The following DIAPH2 variants were observed in gnomAD, a reference collection of about 807,000 sequenced individuals.
DIAPH2 encodes diaphanous related formin 2.
Under a neutral mutation model 92.7 loss-of-function variants are expected in DIAPH2, and 35 were observed. The observed-to-expected ratio is 0.38, with a 90% CI of 0.29 to 0.50. DIAPH2 has a LOEUF of 0.50. Among genes scored for constraint, DIAPH2 ranks in the 20% least tolerant of loss-of-function variants. DIAPH2 has a pLI of 0.94. For missense variants in DIAPH2, 701 were observed against 819.5 expected, an observed-to-expected ratio of 0.86 and a Z score of 1.77; for synonymous variants, 301 against 280.4, an observed-to-expected ratio of 1.07 and a Z score of -0.73.
At chrX:97,019,357 C>G (rs2066281917) in intron 17 of DIAPH2, among the ~76,000 whole-genome samples, 1 of 110,969 alleles carries the variant, frequency 9.0e-6, no homozygotes, top group Non-Finnish European at 1.9e-5. Flanking sequence ...TAGAATTGAA[C>G]TAATCACAAT....
intron 1 of DIAPH2, among the ~76,000 whole-genome samples, chrX:96,729,400 A>C (rs539170711): frequency 8.9e-6 from 1 of 112,168 alleles, no homozygotes. Context: ...CCAATTCATT[A>C]GTGTGAACAT....
intron 5 of DIAPH2, among the ~76,000 whole-genome samples, chrX:96,898,622 T>C (rs1008937920): frequency 9.2e-6 from 1 of 108,225 alleles, no homozygotes; most frequent in Non-Finnish European, 1.9e-5. Flanking sequence ...AGATTCTGGA[T>C]ATTAGCCCTT....
At chrX:97,015,935 T>A (rs1300177105) in intron 17 of DIAPH2, among the ~76,000 whole-genome samples, 1 of 111,657 alleles carries the variant, frequency 9.0e-6, no homozygotes, top group East Asian at 2.8e-4. Context: ...TGCTTTGGTT[T>A]TGAGCAAATT....
intron 22 of DIAPH2, among the ~76,000 whole-genome samples, chrX:97,146,452 A>T (rs750600351): frequency 6.3e-5 from 7 of 110,568 alleles, no homozygotes; most frequent in Admixed American, 1.9e-4. Context: ...CTTTTTTCAT[A>T]TTTTTGTGTT....
At chrX:97,570,743 A>T (rs1260833099) in intron 26 of DIAPH2, among the ~76,000 whole-genome samples, 1 of 111,469 alleles carries the variant, frequency 9.0e-6, no homozygotes, top group Non-Finnish European at 1.9e-5. Flanking sequence ...ATTTCTCCTA[A>T]GAGAAAACCC....
In DIAPH2 at chrX:97,588,410, C is replaced by T. The variant is rs141674163; in HGVS notation, c.3242-10843C>T. On this transcript the variant is annotated intron_variant, in intron 26 of 26. Transcript: ENST00000324765. ...CTGCACTAGGAAGGGAAAATTAACC[C>T]GGAATGCATGCTTTACTAAACATCG... Among the ~76,000 whole-genome samples, 326 of 111,140 alleles carry T rather than the reference C, an allele frequency of 2.9e-3. 1 individual carries two copies. Among genetic ancestry groups the T allele is most frequent in the African/African-American group, 9.7e-3 (297 of 30,588 alleles).
intron 26 of DIAPH2, among the ~76,000 whole-genome samples, chrX:97,584,080 C>T (rs1411723077): frequency 8.9e-6 from 1 of 112,528 alleles, no homozygotes; most frequent in Non-Finnish European, 1.9e-5. Context: ...GTCTGGCACT[C>T]CCTAGTGAGA....
chrX:96,740,093 A>G (rs898225218), intron 3 of DIAPH2, among the ~76,000 whole-genome samples: 1 of 112,358 alleles, frequency 8.9e-6, no homozygotes, highest in Non-Finnish European at 1.9e-5. Context: ...ATCCTTTAGA[A>G]TAATTCCACC....
intron 19 of DIAPH2, among the ~76,000 whole-genome samples, chrX:97,082,345 T>C (rs1259969394): frequency 1.9e-5 from 2 of 106,595 alleles, no homozygotes; most frequent in South Asian, 8.4e-4. Context: ...AGGGGCCAGG[T>C]GCAGTGGCTC....
chrX:96,894,124 G>A (rs757586639), intron 5 of DIAPH2, among the ~76,000 whole-genome samples: 1 of 111,687 alleles, frequency 9.0e-6, no homozygotes, highest in Non-Finnish European at 1.9e-5. Flanking sequence ...TGAATTTCAA[G>A]CCTTTCATAT....
At chrX:97,176,444 G>C (rs1278072040) in intron 22 of DIAPH2, among the ~76,000 whole-genome samples, 1 of 112,053 alleles carries the variant, frequency 8.9e-6, no homozygotes, top group African/African-American at 3.2e-5. Flanking sequence ...TCTATTTCTT[G>C]GTATCCGGCA....
At chrX:97,307,744 A>G (rs2068758806) in intron 23 of DIAPH2, among the ~76,000 whole-genome samples, 1 of 108,586 alleles carries the variant, frequency 9.2e-6, no homozygotes, top group African/African-American at 3.4e-5. Context: ...CCCCATCTCT[A>G]CTAAAAATAC....
intron 9 of DIAPH2, among the ~76,000 whole-genome samples, chrX:96,929,271 G>T (rs954545873): frequency 9.0e-6 from 1 of 111,566 alleles, no homozygotes. Flanking sequence ...AAATAGGAAG[G>T]TTAAGTAATC....
intron 24 of DIAPH2, among the ~76,000 whole-genome samples, chrX:97,383,088 G>A (rs1262437344): frequency 8.9e-6 from 1 of 112,138 alleles, no homozygotes; most frequent in East Asian, 2.8e-4. Context: ...CATTAATTCA[G>A]CTTTGTCTAA....
chrX:96,722,774 C>A (rs1404358178), intron 1 of DIAPH2, among the ~76,000 whole-genome samples: 3 of 111,569 alleles, frequency 2.7e-5, no homozygotes. Context: ...TGAACTAAGA[C>A]CTTGGGAGTA....
intron 24 of DIAPH2, among the ~76,000 whole-genome samples, chrX:97,360,161 A>AT (rs1222363517): frequency 1.8e-5 from 2 of 111,441 alleles, no homozygotes; most frequent in Non-Finnish European, 3.8e-5. Context: ...ATTTTATTTT[A>AT]TTTTTTCAAA....
At chrX:97,107,775 A>G (rs1311218043) in intron 20 of DIAPH2, among the ~76,000 whole-genome samples, 1 of 112,194 alleles carries the variant, frequency 8.9e-6, no homozygotes, top group East Asian at 2.8e-4. Flanking sequence ...CTTGTAGCAA[A>G]TATATATTTG....
intron 1 of DIAPH2, among the ~76,000 whole-genome samples, chrX:96,708,029 G>A (rs2063896303): frequency 2.7e-5 from 3 of 111,245 alleles, no homozygotes; most frequent in African/African-American, 9.8e-5. Context: ...TTAATAGCAT[G>A]TGTCTGAGCT....
At chrX:97,330,085 TTG>T (rs367920689) in intron 23 of DIAPH2, among the ~76,000 whole-genome samples, 47 of 94,876 alleles carry the variant, frequency 5.0e-4, no homozygotes, top group African/African-American at 1.2e-3. Flanking sequence ...GATTTGGTGT[TTG>T]TGTGTGTGTG....
Sources: allele counts gnomAD v4.1 joint callset (sites outside exome capture counted in the v4.1 genomes callset), GRCh38; gene constraint gnomAD v4.1.1; transcripts MANE v1.5; gene names NCBI Gene and HGNC (gene_info 2026-07-23, HGNC 2026-07-21).